MYOM2: variants seen among roughly 807,000 people sequenced by gnomAD.
MYOM2 encodes myomesin 2, also known as myomesin-2.
A neutral mutation model predicts 187.6 loss-of-function variants in MYOM2; 254 were observed. That is an observed-to-expected ratio of 1.35 (90% CI 1.22 to 1.50). The LOEUF (loss-of-function observed/expected upper bound fraction) is 1.50, where lower values mean the gene tolerates loss of function less well. Ranked by LOEUF, MYOM2 falls within the 40% of genes most tolerant of loss-of-function variation. MYOM2 has a pLI of 0.00. For synonymous variants in MYOM2, 981 were observed against 753.8 expected (o/e 1.30, Z -4.94); for missense variants, 2,796 against 1,924.0 (o/e 1.45, Z -8.48).
chr8:2,130,545 CTG>C lies in MYOM2; in HGVS notation c.3800+1315_3800+1316del, dbSNP rs1469474038. Among the ~76,000 whole-genome samples the C allele has an allele frequency of 8.5e-5, 13 of 152,354 alleles. No individual in the cohort carries two copies. The South Asian group carries it at 2.5e-3, about 29-fold the overall frequency. On this transcript the variant is annotated intron_variant, in intron 32 of 36. Transcript: ENST00000262113. The stretch of plus-strand genomic sequence containing the variant: ...TAATATCACTGGTTTGCTTAGGTGA[CTG>C]TAAGTAAATTGAAGAGTTGAAAGCA...
intron 15 of MYOM2, among the ~76,000 whole-genome samples, chr8:2,090,760 G>A (rs1796274093): frequency 6.6e-6 from 1 of 152,128 alleles, no homozygotes; most frequent in Admixed American, 6.5e-5. Context: ...AAGGATAATG[G>A]CCTCCAGCTT....
rs751798819 is a variant in MYOM2 at position 2,052,205 on chromosome 8, C to A, written c.155C>A (p.Ser52Ter). The stretch of plus-strand genomic sequence containing the variant: ...TCCCAGAAGTCCTTGAGTCAGCGGT[C>A]GTCTTCACAGAGAGCCTCCAGCCAG... ...ASSQKSLSQR[S>*]SSQRASSQTS... The change falls in exon 3 of 37, where the codon TCG (serine) becomes TAG (stop). Residue 52 changes from serine (S) to a stop codon, truncating the protein, a stop_gained. Transcript: ENST00000262113. LOFTEE classifies it high-confidence loss of function. The A allele has an allele frequency of 1.9e-6, 3 of 1,613,174 alleles. No individual in the cohort carries two copies. In the East Asian group the frequency reaches 6.7e-5, roughly 36 times the overall value.
intron 1 of MYOM2, among the ~76,000 whole-genome samples, chr8:2,045,424 C>T (rs1438834575): frequency 1.3e-5 from 2 of 152,216 alleles, no homozygotes; most frequent in Non-Finnish European, 2.9e-5. Context: ...GTTTAGCACC[C>T]TGCGGCGTGT....
intron 13 of MYOM2, chr8:2,084,954 G>C (rs1026283238): frequency 5.9e-6 from 2 of 340,070 alleles, no homozygotes; most frequent in Non-Finnish European, 1.1e-5. Context: ...CCCATTTCGG[G>C]TGCAATGCCT....
intron 25 of MYOM2, among the ~76,000 whole-genome samples, chr8:2,110,546 T>C (rs1797035506): frequency 6.6e-6 from 1 of 152,176 alleles, no homozygotes; most frequent in Admixed American, 6.5e-5. Flanking sequence ...GGGGACTTTA[T>C]TGTTCAGTGG....
At chr8:2,058,395 C>A (rs918335826) in intron 5 of MYOM2, among the ~76,000 whole-genome samples, 2 of 152,058 alleles carry the variant, frequency 1.3e-5, no homozygotes. Flanking sequence ...TGCATGATTG[C>A]TGACTGTACA....
Position 2,129,245 on chromosome 8 carries a change from G to A in MYOM2, c.3800+13G>A, listed in dbSNP as rs769014390. The A allele has an allele frequency of 6.4e-7, 1 of 1,567,930 alleles. No individual in the cohort carries two copies. ...ACTGGTGTCACAAGTAAGTATGACA[G>A]CAGCCGATGGAGGCCATGCCATAGA... On this transcript the variant is annotated intron_variant, in intron 32 of 36. Coordinates refer to ENST00000262113, the MANE Select transcript of MYOM2 (RefSeq NM_003970.4).
chr8:2,106,270 T>C lies in MYOM2; in HGVS notation c.2763T>C (p.Asp921=). The C allele has an allele frequency of 6.2e-7, 1 of 1,614,162 alleles. No homozygotes were observed. Among genetic ancestry groups the C allele is most frequent in the Non-Finnish European group, 8.5e-7 (1 of 1,180,040 alleles). ...CCAAGGAAATCAGTGCTGGTGTCGA[T>C]GAACAAGGCAACATCTATCTGGGCT... ...PGTKEISAGV[D]EQGNIYLGFD... is the part of the protein sequence containing the mutation. The change falls in exon 22 of 37, where the codon GAT becomes GAC. Residue 921 remains aspartate, a synonymous_variant. Coordinates refer to ENST00000262113, the MANE Select transcript of MYOM2 (RefSeq NM_003970.4).
intron 6 of MYOM2, among the ~76,000 whole-genome samples, chr8:2,067,152 C>T (rs76004904): frequency 0.01 from 1,522 of 152,108 alleles, 18 homozygotes; most frequent in African/African-American, 0.033. Context: ...GTTGGAGAAA[C>T]GGAAATTTTT....
chr8:2,123,812 T>C (rs1436248265), intron 30 of MYOM2, among the ~76,000 whole-genome samples, 170 bp downstream of exon 30: 2 of 152,256 alleles, frequency 1.3e-5, no homozygotes, highest in African/African-American at 4.8e-5. Context: ...TCAGAGTTTT[T>C]TCAGTGTTTT....
chr8:2,092,197 C>G, intron 15 of MYOM2, 149 bp from the exon 16 acceptor site: 1 of 923,890 alleles, frequency 1.1e-6, no homozygotes, highest in South Asian at 1.6e-5. Flanking sequence ...GCCCGGGGCT[C>G]CTCTCCTACT....
chr8:2,116,039 C>G lies in MYOM2; in HGVS notation c.3260C>G (p.Thr1087Ser). ...MDRFSIENEG[T>S]YTVQIHDGKA... ...CGATTTAGTATTGAAAATGAGGGGA[C>G]CTACACTGTGCAGATTCATGATGGG... The change falls in exon 26 of 37, where the codon ACC (threonine) becomes AGC (serine). Residue 1087 changes from threonine (T) to serine (S), a missense_variant. By Grantham distance (58) the Thr-to-Ser change is moderately conservative. Coordinates refer to ENST00000262113, the MANE Select transcript of MYOM2 (RefSeq NM_003970.4). The G allele has an allele frequency of 6.2e-7, 1 of 1,613,498 alleles. No individual in the cohort carries two copies. The highest frequency in any genetic ancestry group is 8.5e-7 in the Non-Finnish European group (1 of 1,179,830).
At chr8:2,138,947 A>G (rs113168953) in intron 32 of MYOM2, among the ~76,000 whole-genome samples, 4,977 of 146,658 alleles carry the variant, frequency 0.034, 502 homozygotes, top group African/African-American at 0.11. Context: ...GGACAGACTC[A>G]GTTCCGACAC....
intron 19 of MYOM2, among the ~76,000 whole-genome samples, chr8:2,099,965 T>C (rs1012951185): frequency 6.6e-6 from 1 of 152,194 alleles, no homozygotes; most frequent in Non-Finnish European, 1.5e-5. Context: ...GCCAGATGAA[T>C]AAGCCAATTA....
chr8:2,137,373 G>A (rs1247293534), intron 32 of MYOM2, among the ~76,000 whole-genome samples: 2 of 151,768 alleles, frequency 1.3e-5, no homozygotes, highest in Admixed American at 6.6e-5. Context: ...GACAAAAATC[G>A]TCCCCTTCTT....
intron 14 of MYOM2, among the ~76,000 whole-genome samples, chr8:2,086,386 C>CCCACTG (rs1796056708): frequency 4.4e-5 from 5 of 112,810 alleles, no homozygotes; most frequent in African/African-American, 8.4e-5. Context: ...TCTGCGTGGC[C>CCCACTG]TCCCACTGTT....
At chr8:2,075,738 A>G (rs114195539) in intron 10 of MYOM2, among the ~76,000 whole-genome samples, 1,674 of 152,312 alleles carry the variant, frequency 0.011, 39 homozygotes, top group African/African-American at 0.039. Context: ...CCAATTTCCT[A>G]AGGATTTTGA....
At chr8:2,122,545 T>C (rs940803157) in intron 28 of MYOM2, among the ~76,000 whole-genome samples, 38 of 152,242 alleles carry the variant, frequency 2.5e-4, no homozygotes, top group African/African-American at 9.2e-4. Flanking sequence ...TTTCATTCTT[T>C]TGTCATCAAC....
At chr8:2,048,065 C>T (rs1405428854) in intron 1 of MYOM2, among the ~76,000 whole-genome samples, 1 of 152,226 alleles carries the variant, frequency 6.6e-6, no homozygotes, top group Admixed American at 6.5e-5. Context: ...TCTCCTTTGA[C>T]CTAATAGGTC....
Sources: gnomAD v4.1 joint callset for allele counts (sites outside exome capture counted in the v4.1 genomes callset) on GRCh38, gnomAD v4.1.1 for gene constraint, MANE v1.5 for transcripts, NCBI Gene and HGNC (gene_info 2026-07-23, HGNC 2026-07-21) for gene names.